The following ATRNL1 variants were observed in gnomAD, a reference collection of about 807,000 sequenced individuals.
ATRNL1 encodes attractin-like protein 1.
A neutral mutation model predicts 182.7 loss-of-function variants in ATRNL1; 95 were observed. The observed-to-expected ratio is 0.52, with a 90% CI of 0.44 to 0.62. The LOEUF (loss-of-function observed/expected upper bound fraction) is 0.62. ATRNL1 is among the 20% of genes least tolerant of loss of function. The probability of loss-of-function intolerance (pLI) is 0.00; values close to 1 mark genes in which losing one functional copy is unlikely to be tolerated. For missense variants in ATRNL1, 1,471 were observed against 1,679.5 expected (o/e 0.88, Z 2.17); for synonymous variants, 576 against 568.3 (o/e 1.01, Z -0.19).
intron 27 of ATRNL1, among the ~76,000 whole-genome samples, chr10:115,746,964 C>T (rs1196455228): frequency 6.6e-6 from 1 of 151,980 alleles, no homozygotes; most frequent in Non-Finnish European, 1.5e-5. Context: ...AGATGTAGGG[C>T]CAAATTAACT....
chr10:115,738,326 G>A (rs75184834), intron 27 of ATRNL1, among the ~76,000 whole-genome samples: 1 of 151,342 alleles, frequency 6.6e-6, no homozygotes, highest in Non-Finnish European at 1.5e-5. Flanking sequence ...GTTTAGTAGA[G>A]ACAGGGTTTG....
At chr10:115,559,444 G>GTA (rs1554998463) in intron 26 of ATRNL1, among the ~76,000 whole-genome samples, 4 of 62,790 alleles carry the variant, frequency 6.4e-5, no homozygotes, top group Non-Finnish European at 9.8e-5. Flanking sequence ...GTGTGTGTGT[G>GTA]CGCGCGCGCA....
chr10:115,368,413 A>G (rs188646394), intron 19 of ATRNL1, among the ~76,000 whole-genome samples: 1,962 of 152,128 alleles, frequency 0.013, 38 homozygotes, highest in African/African-American at 0.044. Context: ...ACTGACCTGC[A>G]CCCACTGTAT....
intron 26 of ATRNL1, among the ~76,000 whole-genome samples, chr10:115,674,148 T>G: frequency 6.6e-6 from 1 of 152,074 alleles, no homozygotes; most frequent in East Asian, 1.9e-4. Context: ...TTACCAAATA[T>G]TCTATGCACA....
At position 115,673,157 on chromosome 10, in the gene ATRNL1, G is replaced by A. The variant is rs547300801; in HGVS notation, c.3796-54091G>A. 2.7e-4 allele frequency among the ~76,000 whole-genome samples: 41 copies of A among 152,218 alleles called. 1 individual carries two copies. In the South Asian group the frequency reaches 8.1e-3, roughly 30 times the overall value. Reference sequence around the variant, plus strand: ...ATTCTGATGGAGATGCCCAGCAGGTGTTTGAGATTGTCCCTGGGAGGTCAG... The same window carrying A: ...ATTCTGATGGAGATGCCCAGCAGGTATTTGAGATTGTCCCTGGGAGGTCAG... On this transcript the variant is annotated intron_variant, in intron 26 of 28. Transcript: ENST00000355044.
chr10:115,228,514 G>A (rs1554899180), intron 9 of ATRNL1, among the ~76,000 whole-genome samples: 3 of 152,102 alleles, frequency 2.0e-5, no homozygotes, highest in Non-Finnish European at 2.9e-5. Flanking sequence ...GGGAGCTTAT[G>A]TCTTCATTAT....
chr10:115,445,632 A>T (rs1258302000), intron 21 of ATRNL1, among the ~76,000 whole-genome samples: 1 of 151,674 alleles, frequency 6.6e-6, no homozygotes, highest in African/African-American at 2.4e-5. Flanking sequence ...CACAAACCAT[A>T]AAAGTCACCA....
chr10:115,832,202 G>A (rs1428802938), intron 27 of ATRNL1, among the ~76,000 whole-genome samples: 2 of 152,126 alleles, frequency 1.3e-5, no homozygotes, highest in African/African-American at 4.8e-5. Context: ...TGTAGTCTGG[G>A]TCAGAAAGCT....
chr10:115,212,714 G>T (rs1474016310), intron 8 of ATRNL1, among the ~76,000 whole-genome samples: 1 of 152,070 alleles, frequency 6.6e-6, no homozygotes, highest in African/African-American at 2.4e-5. Flanking sequence ...GGTTGGAGCT[G>T]CAGGCCATTA....
intron 26 of ATRNL1, among the ~76,000 whole-genome samples, chr10:115,646,264 G>A (rs968800016): frequency 1.3e-5 from 2 of 151,852 alleles, no homozygotes; most frequent in Non-Finnish European, 2.9e-5. Flanking sequence ...GAACATTTAC[G>A]TCCATAAGGT....
At chr10:115,399,986 A>C (rs1019508950) in intron 20 of ATRNL1, among the ~76,000 whole-genome samples, 3 of 152,128 alleles carry the variant, frequency 2.0e-5, no homozygotes, top group Non-Finnish European at 2.9e-5. Context: ...GCATTAACAG[A>C]GTAAACAGCC....
At chr10:115,778,195 G>A (rs1555078428) in intron 27 of ATRNL1, among the ~76,000 whole-genome samples, 1 of 152,118 alleles carries the variant, frequency 6.6e-6, no homozygotes, top group Non-Finnish European at 1.5e-5. Context: ...CATTAGGATA[G>A]GTGCTGAGGG....
chr10:115,112,889 G>C (rs992863990), intron 1 of ATRNL1, among the ~76,000 whole-genome samples: 1 of 152,174 alleles, frequency 6.6e-6, no homozygotes, highest in African/African-American at 2.4e-5. Flanking sequence ...TTAAAGTTCA[G>C]TAAACTTTCC....
chr10:115,682,327 T>A (rs1555044973), intron 26 of ATRNL1, among the ~76,000 whole-genome samples: 2 of 152,190 alleles, frequency 1.3e-5, no homozygotes, highest in East Asian at 3.9e-4. Context: ...TCACTTGAGG[T>A]CAGGGGTTCG....
intron 3 of ATRNL1, among the ~76,000 whole-genome samples, chr10:115,124,586 C>T (rs1240510978): frequency 6.6e-6 from 1 of 152,196 alleles, no homozygotes; most frequent in Non-Finnish European, 1.5e-5. Context: ...CAGCCCCTCC[C>T]ATCCCCTTCT....
At chr10:115,831,167 G>A (rs565003082) in intron 27 of ATRNL1, among the ~76,000 whole-genome samples, 1 of 152,186 alleles carries the variant, frequency 6.6e-6, no homozygotes, top group East Asian at 1.9e-4. Context: ...GTATTTCCCG[G>A]TTTGCTTCCC....
Position 115,433,979 on chromosome 10 carries a change from A to T in ATRNL1, c.3322+7677A>T, listed in dbSNP as rs141310277. 1.6e-4 allele frequency among the ~76,000 whole-genome samples: 25 copies of T among 152,218 alleles called. No individual in the cohort carries two copies. The East Asian group carries it at 2.9e-3, about 18-fold the overall frequency. ...CAGCTGAGTGGAAGATTGAGAGCTGATATGCTGTACTTACCTTTCTCACTA... is the reference window on the plus strand; with the variant it reads ...CAGCTGAGTGGAAGATTGAGAGCTGTTATGCTGTACTTACCTTTCTCACTA... On this transcript the variant is annotated intron_variant, in intron 21 of 28. Coordinates refer to ENST00000355044, the MANE Select transcript of ATRNL1 (RefSeq NM_207303.4).
intron 27 of ATRNL1, among the ~76,000 whole-genome samples, chr10:115,730,253 C>CAAAAA (rs535690432): frequency 2.9e-4 from 18 of 61,434 alleles, no homozygotes; most frequent in South Asian, 8.5e-4. Context: ...TAGGACTCCT[C>CAAAAA]AAAAAAAAAA....
Position 115,549,452 on chromosome 10 carries a change from T to C in ATRNL1, c.3717-6T>C, listed in dbSNP as rs782295469. 6.3e-7 allele frequency: 1 copy of C among 1,584,670 alleles called. No individual in the cohort carries two copies. The highest frequency in any genetic ancestry group is 8.6e-7 in the Non-Finnish European group (1 of 1,166,316). Reference sequence around the variant, plus strand: ...GAGCAAAAATTATTTGTGTTTTATTTTCCAGTTGTTTCCTATCCTTATTGC... The same window carrying C: ...GAGCAAAAATTATTTGTGTTTTATTCTCCAGTTGTTTCCTATCCTTATTGC... On this transcript the variant is annotated splice_region_variant and splice_polypyrimidine_tract_variant and intron_variant, in intron 25 of 28. Transcript: ENST00000355044.
Sources: allele counts gnomAD v4.1 joint callset (sites outside exome capture counted in the v4.1 genomes callset), GRCh38; gene constraint gnomAD v4.1.1; transcripts MANE v1.5; gene names NCBI Gene and HGNC (gene_info 2026-07-23, HGNC 2026-07-21).